SASH1: variants seen among roughly 807,000 people sequenced by gnomAD.
SASH1 encodes the protein SAM and SH3 domain-containing protein 1.
A neutral mutation model predicts 125.2 loss-of-function variants in SASH1; 44 were observed. The observed-to-expected ratio is 0.35, with a 90% CI of 0.28 to 0.45. The LOEUF is 0.45. Ranked by LOEUF, SASH1 falls within the 20% of genes least tolerant of loss-of-function variation. The pLI is 1.00. For missense variants in SASH1, 1,426 were observed against 1,614.5 expected, an observed-to-expected ratio of 0.88 and a Z score of 2.00; for synonymous variants, 639 against 649.1, an observed-to-expected ratio of 0.98 and a Z score of 0.24.
chr6:148,490,959 A>C (rs1427895227), intron 8 of SASH1, among the ~76,000 whole-genome samples: 17 of 152,192 alleles, frequency 1.1e-4, no homozygotes, highest in Admixed American at 1.1e-3. Flanking sequence ...TTTATCTAAA[A>C]TGTTTTCCTC....
chr6:148,453,329 G>C (rs36117785), intron 4 of SASH1, among the ~76,000 whole-genome samples: 3,742 of 152,244 alleles, frequency 0.025, 65 homozygotes, highest in Non-Finnish European at 0.036. Context: ...GGTGATGGTG[G>C]GAGGCTATCA....
chr6:148,489,556 G>A (rs1328459604), intron 8 of SASH1, among the ~76,000 whole-genome samples: 1 of 152,024 alleles, frequency 6.6e-6, no homozygotes, highest in Non-Finnish European at 1.5e-5. Context: ...GATTGACTTG[G>A]GTAATATCAT....
chr6:148,322,912 T>TTCTTCTTTCTTTCTC (rs1554234528), intron 1 of SASH1, among the ~76,000 whole-genome samples: 1 of 118,438 alleles, frequency 8.4e-6, no homozygotes. Flanking sequence ...CTCTCTTTCT[T>TTCTTCTTTCTTTCTC]TCTTTTTTCT....
At chr6:148,537,135 C>A (rs533660350) in intron 16 of SASH1, among the ~76,000 whole-genome samples, 5 of 152,166 alleles carry the variant, frequency 3.3e-5, no homozygotes, top group Non-Finnish European at 7.3e-5. Flanking sequence ...AACAAGATTT[C>A]CATACACTAG....
chr6:148,309,072 A>G (rs1305502783), intron 1 of SASH1, among the ~76,000 whole-genome samples: 1 of 124,012 alleles, frequency 8.1e-6, no homozygotes, highest in Non-Finnish European at 1.6e-5. Flanking sequence ...TGACAGAGCA[A>G]GACTCTGTCT....
At chr6:148,391,932 A>G (rs1379796847) in intron 2 of SASH1, among the ~76,000 whole-genome samples, 2 of 152,286 alleles carry the variant, frequency 1.3e-5, no homozygotes, top group African/African-American at 2.4e-5. Context: ...GCCATCTCAT[A>G]TAGTGGGGGC....
At position 148,548,629 on chromosome 6, in the gene SASH1, T is replaced by C; in HGVS notation, c.*71T>C. 6.7e-7 allele frequency: 1 copy of C among 1,483,638 alleles called. No individual in the cohort carries two copies. The highest frequency in any genetic ancestry group is 9.0e-7 in the Non-Finnish European group (1 of 1,106,886). The allele number at this position is 1,483,638 out of a possible 1,614,324, so 91.9% of individuals were successfully genotyped here. ...GTGCATATGATGCTGATGCAATTCCTCCATCATCTCTGGACGTGCAGACCA... is the reference window on the plus strand; with the variant it reads ...GTGCATATGATGCTGATGCAATTCCCCCATCATCTCTGGACGTGCAGACCA... On this transcript the variant is annotated 3_prime_UTR_variant, in exon 20 of 20. Transcript: ENST00000367467.
intron 1 of SASH1, among the ~76,000 whole-genome samples, chr6:148,333,685 C>T (rs1582977807): frequency 6.6e-6 from 1 of 151,594 alleles, no homozygotes; most frequent in Non-Finnish European, 1.5e-5. Context: ...CCTCAGCCTC[C>T]TGAGTAGCTG....
Position 148,298,725 on chromosome 6 carries a change from AGGAG to A in SASH1, n.74+26364_74+26367del, listed in dbSNP as rs1245391811. Among the ~76,000 whole-genome samples the A allele has an allele frequency of 1.9e-4, 15 of 79,954 alleles. No individual in the cohort carries two copies. In the East Asian group the frequency reaches 2.0e-3, roughly 11 times the overall value. The allele number at this position is 79,954 out of a possible 152,430, so 52.5% of individuals were successfully genotyped here. On this transcript the variant is annotated intron_variant and non_coding_transcript_variant, in intron 1 of 3. Transcript: ENST00000367469. ...AGGAAGGAAGGAAGAAGGAAGGGAA[AGGAG>A]GGAGGGAGGGAGGGAAAGGAAGGAA...
chr6:148,256,711 G>A, the SASH1 span, among the ~76,000 whole-genome samples: 1 of 152,142 alleles, frequency 6.6e-6, no homozygotes, highest in South Asian at 2.1e-4. Flanking sequence ...CTGCAAAGAG[G>A]CAGAAGGGAA....
intron 7 of SASH1, among the ~76,000 whole-genome samples, chr6:148,483,950 G>C (rs1778732500): frequency 1.3e-5 from 2 of 152,118 alleles, no homozygotes; most frequent in South Asian, 4.1e-4. Flanking sequence ...AGTTGGAAAG[G>C]ATTTATCTCA....
At chr6:148,489,850 C>CTGTGTG (rs151183028) in intron 8 of SASH1, among the ~76,000 whole-genome samples, 6,984 of 136,526 alleles carry the variant, frequency 0.051, 233 homozygotes, top group African/African-American at 0.074. Context: ...GCTATATAGG[C>CTGTGTG]TGTGTGTGTG....
chr6:148,497,029 A>G (rs958023258), intron 8 of SASH1, among the ~76,000 whole-genome samples: 1 of 152,158 alleles, frequency 6.6e-6, no homozygotes, highest in South Asian at 2.1e-4. Flanking sequence ...AGGAGATTAT[A>G]GGAGGAAGTA....
Position 148,543,946 on chromosome 6 carries a change from G to A in SASH1, c.2476G>A (p.Glu826Lys), listed in dbSNP as rs775073940. ...CATCTGCCGGAGCTGTGAGACCCTG[G>A]AGGGCCCCCAGACTGTGGACACTTG... is the stretch of plus-strand genomic sequence containing the variant. ...VSICRSCETL[E>K]GPQTVDTWPR... Residue 826 changes from glutamate to lysine, a missense_variant, in exon 18 of 20, where the codon GAG becomes AAG. Physicochemically the swap from Glu to Lys is moderately conservative, Grantham distance 56. Around this residue, in one of 3 missense-constraint regions of SASH1, gnomAD observed 634 missense variants for 694.4 expected, o/e 0.91. Coordinates refer to ENST00000367467, the MANE Select transcript of SASH1 (RefSeq NM_015278.5). 4.3e-6 allele frequency: 7 copies of A among 1,614,148 alleles called. No individual in the cohort carries two copies. In the South Asian group the frequency reaches 5.5e-5, roughly 13 times the overall value.
chr6:148,500,783 ATTGTTTGT>A (rs757483732), intron 8 of SASH1, among the ~76,000 whole-genome samples: 3 of 150,478 alleles, frequency 2.0e-5, no homozygotes, highest in Admixed American at 6.6e-5. Flanking sequence ...TTAGTGTTTT[ATTGTTTGT>A]TTGTTTGTTT....
At chr6:148,401,367 A>G (rs1262473184) in intron 2 of SASH1, among the ~76,000 whole-genome samples, 1 of 152,050 alleles carries the variant, frequency 6.6e-6, no homozygotes. Flanking sequence ...ATACATCTCA[A>G]TACACCCCAG....
At chr6:148,351,916 TTGTC>T (rs2114668519) in intron 1 of SASH1, among the ~76,000 whole-genome samples, 1 of 152,228 alleles carries the variant, frequency 6.6e-6, no homozygotes, top group East Asian at 1.9e-4. Context: ...GAGTTTGTCT[TTGTC>T]TGTTTTCATA....
At chr6:148,506,595 A>C (rs1403561006) in intron 8 of SASH1, among the ~76,000 whole-genome samples, 2 of 152,222 alleles carry the variant, frequency 1.3e-5, no homozygotes, top group Admixed American at 1.3e-4. Context: ...CTACTATACC[A>C]CATTTATGTG....
chr6:148,359,833 A>T (rs1782119651), intron 1 of SASH1, among the ~76,000 whole-genome samples: 1 of 152,164 alleles, frequency 6.6e-6, no homozygotes, highest in East Asian at 1.9e-4. Context: ...ATCTCAGCTC[A>T]CTGCAACCTT....
Sources: gnomAD v4.1 joint callset for allele counts (sites outside exome capture counted in the v4.1 genomes callset) on GRCh38, gnomAD v4.1.1 for gene constraint, gnomAD v4.1.1 regional missense constraint, MANE v1.5 for transcripts, NCBI Gene and HGNC (gene_info 2026-07-23, HGNC 2026-07-21) for gene names.